The following GEMIN8 variants were observed in gnomAD, a reference collection of about 807,000 sequenced individuals.
GEMIN8 encodes gem-associated protein 8.
For synonymous variants in GEMIN8, 80 were observed against 78.5 expected (o/e 1.02, Z -0.10); for missense variants, 185 against 205.9 (o/e 0.90, Z 0.62).
the GEMIN8 span, among the ~76,000 whole-genome samples, chrX:14,000,251 G>A: frequency 9.0e-6 from 1 of 111,091 alleles, no homozygotes; most frequent in Admixed American, 9.6e-5. Context: ...AGTGAGCCAA[G>A]ATCACACCAC....
the GEMIN8 span, among the ~76,000 whole-genome samples, chrX:13,987,196 T>C: frequency 2.7e-5 from 3 of 111,834 alleles, no homozygotes; most frequent in African/African-American, 6.5e-5. Context: ...TCAAGTCCCT[T>C]TTCCCATGAT....
the GEMIN8 span, among the ~76,000 whole-genome samples, chrX:13,997,439 G>C: frequency 8.9e-6 from 1 of 111,892 alleles, no homozygotes; most frequent in Non-Finnish European, 1.9e-5. Flanking sequence ...TCAGCTGACT[G>C]CATCTATAAG....
At chrX:14,014,429 C>T (rs748328884) in intron 4 of GEMIN8, 3 of 750,903 alleles carry the variant, frequency 4.0e-6, no homozygotes, top group East Asian at 1.5e-4. Flanking sequence ...ACTGGACAAC[C>T]GCCATTTTTA....
At chrX:13,992,226 C>T in the GEMIN8 span, among the ~76,000 whole-genome samples, 4 of 112,025 alleles carry the variant, frequency 3.6e-5, no homozygotes, top group Non-Finnish European at 5.6e-5. Context: ...AGTCCTGTGC[C>T]TCACCTCTCC....
Position 14,008,771 on chromosome X carries a change from C to T in GEMIN8, c.*142G>A, listed in dbSNP as rs1040240441. 9 of 573,152 alleles carry T rather than the reference C, an allele frequency of 1.6e-5. No individual in the cohort carries two copies. The highest frequency in any genetic ancestry group is 6.6e-5 in the East Asian group (2 of 30,329). The allele number at this position is 573,152 out of a possible 1,213,427, so 47.2% of individuals were successfully genotyped here. On this transcript the variant is annotated 3_prime_UTR_variant, in exon 5 of 5. Transcript: ENST00000680255. ...AGTGGCTGGCATAGTACATCCACCC[C>T]GTGACAGGCCCACTGGGACTGTGGT...
At chrX:14,017,375 A>G (rs7060252) in intron 4 of GEMIN8, among the ~76,000 whole-genome samples, 32,879 of 111,149 alleles carry the variant, frequency 0.3, 3,600 homozygotes, top group African/African-American at 0.33. Context: ...TCTAGATCAC[A>G]GTAAAACAAA....
At chrX:13,997,108 A>G in the GEMIN8 span, among the ~76,000 whole-genome samples, 1 of 109,183 alleles carries the variant, frequency 9.2e-6, no homozygotes, top group African/African-American at 3.3e-5. Flanking sequence ...CGCCCAGCTA[A>G]TTTTTGCATT....
the GEMIN8 span, among the ~76,000 whole-genome samples, chrX:13,991,429 A>T: frequency 8.9e-6 from 1 of 111,783 alleles, no homozygotes; most frequent in Non-Finnish European, 1.9e-5. Context: ...CTTGTCCTGA[A>T]CAGAGGCATC....
At chrX:14,025,858 T>C (rs925910593) in intron 2 of GEMIN8, among the ~76,000 whole-genome samples, 1 of 111,682 alleles carries the variant, frequency 9.0e-6, no homozygotes, top group Non-Finnish European at 1.9e-5. Flanking sequence ...AGCAATCAGT[T>C]AGTCAGTTAA....
At chrX:13,996,613 T>C in the GEMIN8 span, among the ~76,000 whole-genome samples, 1 of 111,985 alleles carries the variant, frequency 8.9e-6, no homozygotes, top group South Asian at 3.7e-4. Context: ...CATATCAATA[T>C]CCATAGTTAC....
At chrX:14,002,067 G>T (rs1922987429), downstream of GEMIN8, among the ~76,000 whole-genome samples, 1 of 88,597 alleles carries the variant, frequency 1.1e-5, no homozygotes, top group African/African-American at 4.4e-5. Flanking sequence ...GTTGCAGTGA[G>T]TGAGCCAAGA....
chrX:14,020,800 G>T (rs1019769869), intron 3 of GEMIN8, among the ~76,000 whole-genome samples: 1 of 111,266 alleles, frequency 9.0e-6, no homozygotes, highest in Non-Finnish European at 1.9e-5. Flanking sequence ...TTATAATGTG[G>T]GGATGAAGGC....
downstream of GEMIN8, among the ~76,000 whole-genome samples, chrX:14,003,726 G>A (rs1320847130): frequency 8.9e-6 from 1 of 112,182 alleles, no homozygotes; most frequent in Non-Finnish European, 1.9e-5. Context: ...TGATCTAAGG[G>A]TTTTGGAAAA....
chrX:13,999,303 A>T, the GEMIN8 span, among the ~76,000 whole-genome samples: 1 of 89,817 alleles, frequency 1.1e-5, no homozygotes, highest in African/African-American at 4.2e-5. Context: ...TGAGACAGAG[A>T]TTTACTTTTG....
At chrX:14,024,329 T>C (rs1475920498) in intron 2 of GEMIN8, among the ~76,000 whole-genome samples, 1 of 111,159 alleles carries the variant, frequency 9.0e-6, no homozygotes, top group Admixed American at 9.5e-5. Context: ...TGAAACCCCA[T>C]GTCTACTAAA....
the GEMIN8 span, among the ~76,000 whole-genome samples, chrX:13,998,579 T>C: frequency 1.8e-5 from 2 of 110,711 alleles, no homozygotes; most frequent in Non-Finnish European, 3.8e-5. Context: ...ATATTTTTTT[T>C]AAAAAAATAA....
chrX:14,028,730 A>G (rs749187565), intron 1 of GEMIN8, among the ~76,000 whole-genome samples: 1 of 112,495 alleles, frequency 8.9e-6, no homozygotes, highest in African/African-American at 3.2e-5. Context: ...GAACACACAG[A>G]GGGGATTTAT....
rs193205541 is a variant in GEMIN8, at chrX:14,006,902, G to C, written c.*2011C>G. Among the ~76,000 whole-genome samples, 5 of 111,712 alleles carry C rather than the reference G, an allele frequency of 4.5e-5. No individual in the cohort carries two copies. The Admixed American group carries it at 4.8e-4, about 11-fold the overall frequency. ...CTTAGGTAACAAAGCCAGTAGGGGT[G>C]AGACCGGCATGGTGATTTCTTTAGG... On this transcript the variant is annotated 3_prime_UTR_variant, in exon 5 of 5. Coordinates refer to ENST00000680255, the MANE Select transcript of GEMIN8 (RefSeq NM_001042479.2).
the GEMIN8 span, among the ~76,000 whole-genome samples, chrX:13,984,304 G>T: frequency 8.9e-6 from 1 of 112,166 alleles, no homozygotes; most frequent in Non-Finnish European, 1.9e-5. Context: ...AATTTGTGTT[G>T]TTTTAAGCTG....
Sources: gnomAD v4.1 joint callset for allele counts (sites outside exome capture counted in the v4.1 genomes callset) on GRCh38, gnomAD v4.1.1 for gene constraint, MANE v1.5 for transcripts, NCBI Gene and HGNC (gene_info 2026-07-23, HGNC 2026-07-21) for gene names.